PTPRG: variants seen among roughly 807,000 people sequenced by gnomAD.
PTPRG encodes the protein receptor-type tyrosine-protein phosphatase gamma.
Under a neutral mutation model 165.3 loss-of-function variants are expected in PTPRG, and 102 were observed. The ratio of observed to expected loss-of-function variants is 0.62; its 90% CI spans 0.53 to 0.73. PTPRG has a LOEUF of 0.73. PTPRG is among the 30% of genes least tolerant of loss of function. The pLI, the probability that PTPRG is intolerant of heterozygous loss-of-function variation, is 0.00. For synonymous variants in PTPRG, 675 were observed against 669.5 expected (o/e 1.01, Z -0.13); for missense variants, 1,866 against 1,861.4 (o/e 1.00, Z -0.05).
chr3:62,153,207 A>G (rs1704399922), intron 6 of PTPRG, among the ~76,000 whole-genome samples: 1 of 152,234 alleles, frequency 6.6e-6, no homozygotes. Context: ...CTTAAAACCC[A>G]AAATGAGCCA....
intron 2 of PTPRG, among the ~76,000 whole-genome samples, chr3:61,818,897 A>AAATAGTGAAATAGTG (rs1553675204): frequency 6.9e-5 from 7 of 101,958 alleles, no homozygotes; most frequent in African/African-American, 2.7e-4. Flanking sequence ...GTGAATAGTG[A>AAATAGTGAAATAGTG]AATAGTGAAA....
At chr3:62,138,730 A>AAG (rs1553640809) in intron 6 of PTPRG, among the ~76,000 whole-genome samples, 1 of 151,434 alleles carries the variant, frequency 6.6e-6, no homozygotes. Flanking sequence ...AAAAAAAAAA[A>AAG]AAAAAAGAAA....
chr3:61,896,911 G>A (rs1392763498), intron 2 of PTPRG, among the ~76,000 whole-genome samples: 2 of 147,194 alleles, frequency 1.4e-5, no homozygotes, highest in Non-Finnish European at 3.0e-5. Flanking sequence ...TTTTCTAATT[G>A]TATTTTTTTC....
chr3:62,037,729 G>C (rs937199177), intron 4 of PTPRG, among the ~76,000 whole-genome samples: 2 of 152,126 alleles, frequency 1.3e-5, no homozygotes, highest in African/African-American at 4.8e-5. Flanking sequence ...TAATTTCTCA[G>C]TTCTGAGGTG....
At chr3:61,708,812 C>T (rs1356422351) in intron 1 of PTPRG, among the ~76,000 whole-genome samples, 1 of 152,168 alleles carries the variant, frequency 6.6e-6, no homozygotes, top group African/African-American at 2.4e-5. Context: ...ATGGAAGATA[C>T]CAGTCTGGAT....
intron 2 of PTPRG, among the ~76,000 whole-genome samples, chr3:61,757,369 A>G (rs2033665507): frequency 6.6e-6 from 1 of 152,066 alleles, no homozygotes; most frequent in African/African-American, 2.4e-5. Context: ...TTTAGAGTAG[A>G]TGGCTAAATG....
chr3:61,695,449 T>C (rs1178383493), intron 1 of PTPRG, among the ~76,000 whole-genome samples: 1 of 152,236 alleles, frequency 6.6e-6, no homozygotes, highest in African/African-American at 2.4e-5. Flanking sequence ...GGTAGGGTCC[T>C]GAAAGGCTTA....
chr3:61,926,578 C>T (rs1418123770), intron 2 of PTPRG, among the ~76,000 whole-genome samples: 1 of 95,104 alleles, frequency 1.1e-5, no homozygotes, highest in Non-Finnish European at 2.1e-5. Context: ...TCCTTTCTTC[C>T]CCTTCCCTCC....
At chr3:61,842,264 T>C (rs779579632) in intron 2 of PTPRG, among the ~76,000 whole-genome samples, 4 of 152,216 alleles carry the variant, frequency 2.6e-5, no homozygotes, top group Non-Finnish European at 5.9e-5. Context: ...ACGTTTCTTA[T>C]TGCTTCTAAA....
intron 2 of PTPRG, among the ~76,000 whole-genome samples, chr3:61,850,206 C>A (rs1451161578): frequency 6.6e-6 from 1 of 151,984 alleles, no homozygotes; most frequent in Non-Finnish European, 1.5e-5. Context: ...TCTTTCACCC[C>A]TGCTGGAGTG....
intron 5 of PTPRG, among the ~76,000 whole-genome samples, chr3:62,084,605 C>T (rs567401233): frequency 6.6e-6 from 1 of 152,280 alleles, no homozygotes; most frequent in African/African-American, 2.4e-5. Context: ...TGAATTGCAG[C>T]ACCTGGGATT....
chr3:62,199,516 A>G (rs1700047335), intron 10 of PTPRG, among the ~76,000 whole-genome samples: 1 of 152,202 alleles, frequency 6.6e-6, no homozygotes, highest in African/African-American at 2.4e-5. Flanking sequence ...GTTTTCAGAT[A>G]AGCAAGAGAT....
At chr3:62,289,698 T>TCC (rs555266393) in intron 28 of PTPRG, among the ~76,000 whole-genome samples, 1,324 of 108,268 alleles carry the variant, frequency 0.012, 13 homozygotes, top group Admixed American at 0.021. Context: ...CCATTCATGA[T>TCC]CCCCCCCCCC....
chr3:61,794,086 C>T (rs1260147172), intron 2 of PTPRG, among the ~76,000 whole-genome samples: 1 of 152,060 alleles, frequency 6.6e-6, no homozygotes, highest in African/African-American at 2.4e-5. Flanking sequence ...GTTTCGTTTG[C>T]CCAACTGCCT....
At position 61,781,676 on chromosome 3, in the gene PTPRG, A is replaced by G. The variant is rs115626307; in HGVS notation, c.190+32694A>G. Among the ~76,000 whole-genome samples, 1,012 of 152,222 alleles carry G rather than the reference A, an allele frequency of 6.6e-3. 19 individuals are homozygous for G. Among genetic ancestry groups the G allele is most frequent in the South Asian group, 0.039 (190 of 4,816 alleles). On this transcript the variant is annotated intron_variant, in intron 2 of 29. Coordinates refer to ENST00000474889, the MANE Select transcript of PTPRG (RefSeq NM_002841.4). ...ATTCAGCTCTGAATGTAGACAGTTG[A>G]TTTTTCAATTGAATTATTATGAGAT...
At chr3:61,797,090 A>G (rs1433898513) in intron 2 of PTPRG, among the ~76,000 whole-genome samples, 1 of 152,212 alleles carries the variant, frequency 6.6e-6, no homozygotes, top group Non-Finnish European at 1.5e-5. Context: ...GCCGGCACAG[A>G]AATGTTCGTA....
At chr3:61,977,844 A>G (rs901970111) in intron 2 of PTPRG, among the ~76,000 whole-genome samples, 11 of 152,298 alleles carry the variant, frequency 7.2e-5, no homozygotes, top group African/African-American at 2.6e-4. Flanking sequence ...ATTTTCTCAT[A>G]TTAGAAACAC....
chr3:62,190,967 C>T lies in PTPRG; in HGVS notation c.1034-502C>T, dbSNP rs1223657735. On this transcript the variant is annotated intron_variant, in intron 8 of 29. Coordinates refer to ENST00000474889, the MANE Select transcript of PTPRG (RefSeq NM_002841.4). This position sits in a 1 kb window ranked among gnomAD's most constrained non-coding sequence, Gnocchi z 5.2. ...TATTATGGTTACATAGGAGAGTGTC[C>T]TCAATCTTGGGAGATGCAGGACAGA... 6.6e-5 allele frequency among the ~76,000 whole-genome samples: 10 copies of T among 152,162 alleles called. No individual in the cohort carries two copies. The highest frequency in any genetic ancestry group is 1.5e-5 in the Non-Finnish European group (1 of 68,030).
intron 17 of PTPRG, among the ~76,000 whole-genome samples, chr3:62,265,467 C>T (rs1701833622): frequency 6.6e-6 from 1 of 152,174 alleles, no homozygotes; most frequent in African/African-American, 2.4e-5. Flanking sequence ...TTGTATCCTA[C>T]AACCTTGCTG....
Sources: allele counts gnomAD v4.1 joint callset (sites outside exome capture counted in the v4.1 genomes callset), GRCh38; gene constraint gnomAD v4.1.1; non-coding constraint Gnocchi (gnomAD v3.1); transcripts MANE v1.5; gene names NCBI Gene and HGNC (gene_info 2026-07-23, HGNC 2026-07-21).